ESR1: variants seen among roughly 807,000 people sequenced by gnomAD.
ESR1 encodes the protein estrogen receptor 1, also known as estrogen receptor.
ESR1 carries 12 observed loss-of-function variants against 52.7 expected under a neutral mutation model. The ratio of observed to expected loss-of-function variants is 0.23; its 90% confidence interval spans 0.15 to 0.37. The LOEUF is 0.37. Among genes scored for constraint, ESR1 ranks in the 10% least tolerant of loss-of-function variants. The pLI, the probability that ESR1 is intolerant of heterozygous loss-of-function variation, is 1.00. For synonymous variants in ESR1, 305 were observed against 316.8 expected (o/e 0.96, Z 0.39); for missense variants, 584 against 779.7 (o/e 0.75, Z 2.99).
intron 4 of ESR1, among the ~76,000 whole-genome samples, chr6:151,978,563 C>G (rs1173907579): frequency 6.6e-6 from 1 of 152,074 alleles, no homozygotes; most frequent in East Asian, 1.9e-4. Flanking sequence ...ACACCAAGAT[C>G]CATCTTCATG....
At chr6:151,831,864 G>A (rs1270967274) in intron 1 of ESR1, among the ~76,000 whole-genome samples, 4 of 152,212 alleles carry the variant, frequency 2.6e-5, no homozygotes, top group Non-Finnish European at 4.4e-5. Context: ...ACCAAGGGTC[G>A]TGCTGGGTTT....
intron 5 of ESR1, among the ~76,000 whole-genome samples, chr6:152,029,273 G>A (rs1197335811): frequency 6.6e-6 from 1 of 152,182 alleles, no homozygotes; most frequent in Non-Finnish European, 1.5e-5. Flanking sequence ...CACCAGCAAC[G>A]GAACAAAGCT....
At chr6:151,798,998 T>A (rs1776972537) in intron 2 of ESR1, among the ~76,000 whole-genome samples, 2 of 152,202 alleles carry the variant, frequency 1.3e-5, no homozygotes, top group Non-Finnish European at 2.9e-5. Context: ...TCTTTATCAG[T>A]GATTTGGGAA....
intron 4 of ESR1, among the ~76,000 whole-genome samples, chr6:151,992,720 G>A (rs1470579471): frequency 6.6e-6 from 1 of 152,064 alleles, no homozygotes; most frequent in African/African-American, 2.4e-5. Flanking sequence ...ATAAGCAGTG[G>A]TGGACCAGTG....
intron 4 of ESR1, among the ~76,000 whole-genome samples, chr6:151,996,372 G>A (rs1379854184): frequency 1.3e-5 from 2 of 152,094 alleles, no homozygotes; most frequent in East Asian, 1.9e-4. Flanking sequence ...GTTCCTGACT[G>A]TTAGTACCCG....
At position 151,944,324 on chromosome 6, in the gene ESR1, C is replaced by A. The variant is rs768041244; in HGVS notation, c.912C>A (p.Asn304Lys). 6.2e-7 allele frequency: 1 copy of A among 1,614,142 alleles called. No individual in the cohort carries two copies. The highest frequency in any genetic ancestry group is 1.1e-5 in the South Asian group (1 of 91,082). Residue 304 changes from asparagine (N) to lysine (K), a missense_variant, in exon 4 of 8, where the codon AAC (asparagine) becomes AAA (lysine). This residue lies in a region of ESR1 where 88 missense variants were observed against 88.3 expected (regional missense o/e 1.00). Coordinates refer to ENST00000206249, the MANE Select transcript of ESR1 (RefSeq NM_000125.4). Reference sequence around the variant, plus strand: ...TCATGATCAAACGCTCTAAGAAGAACAGCCTGGCCTTGTCCCTGACGGCCG... The same window carrying A: ...TCATGATCAAACGCTCTAAGAAGAAAAGCCTGGCCTTGTCCCTGACGGCCG... Reference protein sequence around the residue: ...SPLMIKRSKKNSLALSLTADQ... With the variant: ...SPLMIKRSKKKSLALSLTADQ...
intron 4 of ESR1, among the ~76,000 whole-genome samples, chr6:152,001,251 T>G (rs1034935898): frequency 2.0e-5 from 3 of 151,822 alleles, no homozygotes; most frequent in South Asian, 2.1e-4. Flanking sequence ...GCTGGGAGGT[T>G]CAAGATCAGA....
At chr6:151,723,104 C>A (rs1181571704) in intron 2 of ESR1, among the ~76,000 whole-genome samples, 1 of 152,136 alleles carries the variant, frequency 6.6e-6, no homozygotes, top group East Asian at 1.9e-4. Flanking sequence ...CTAAAATCTA[C>A]TTCTTTGAAA....
At chr6:152,012,696 T>G (rs2042876996) in intron 5 of ESR1, among the ~76,000 whole-genome samples, 1 of 152,188 alleles carries the variant, frequency 6.6e-6, no homozygotes, top group Admixed American at 6.5e-5. Flanking sequence ...ATGCCTCCTT[T>G]GGTCTGCTGC....
chr6:151,958,659 C>T (rs1001749319), intron 4 of ESR1, among the ~76,000 whole-genome samples: 1 of 152,118 alleles, frequency 6.6e-6, no homozygotes, highest in African/African-American at 2.4e-5. Context: ...GTACATGTTT[C>T]TAAAAATGTG....
intron 1 of ESR1, among the ~76,000 whole-genome samples, chr6:151,662,203 G>A (rs851998): frequency 0.27 from 40,440 of 152,164 alleles, 6,387 homozygotes; most frequent in East Asian, 0.47. Context: ...TTTCACAATC[G>A]ATATGGCCTT....
intron 6 of ESR1, among the ~76,000 whole-genome samples, chr6:152,063,493 C>T (rs2047712645): frequency 6.6e-6 from 1 of 152,170 alleles, no homozygotes; most frequent in Non-Finnish European, 1.5e-5. Flanking sequence ...CCTCATGTCT[C>T]CTATTGTTCC....
At chr6:151,915,123 A>T (rs746671729) in intron 3 of ESR1, among the ~76,000 whole-genome samples, 40 of 151,904 alleles carry the variant, frequency 2.6e-4, no homozygotes, top group African/African-American at 8.7e-4. Context: ...TGAACCAGGG[A>T]GTCGGAGGTT....
intron 5 of ESR1, among the ~76,000 whole-genome samples, chr6:152,040,833 G>C (rs1161234036): frequency 6.6e-6 from 1 of 152,180 alleles, no homozygotes; most frequent in Non-Finnish European, 1.5e-5. Context: ...CAGGCTGGGG[G>C]AGAGAAGGCA....
At chr6:151,688,808 T>C (rs1582895438), upstream of ESR1, among the ~76,000 whole-genome samples, 1 of 152,298 alleles carries the variant, frequency 6.6e-6, no homozygotes, top group Middle Eastern at 3.4e-3. Flanking sequence ...AGGATATATG[T>C]AAATACTATG....
intron 2 of ESR1, among the ~76,000 whole-genome samples, chr6:151,797,541 T>TAA (rs1225738329): frequency 3.3e-5 from 5 of 152,250 alleles, no homozygotes; most frequent in Non-Finnish European, 1.5e-5. Flanking sequence ...TCTCTCCTCA[T>TAA]TTTTCCTTTG....
At chr6:151,914,851 G>C (rs1486464238) in intron 3 of ESR1, among the ~76,000 whole-genome samples, 1 of 152,100 alleles carries the variant, frequency 6.6e-6, no homozygotes, top group Non-Finnish European at 1.5e-5. Context: ...TTGAGTTCAG[G>C]ACACGTACAC....
chr6:151,679,554 C>A (rs558737030), intron 1 of ESR1, among the ~76,000 whole-genome samples: 1 of 151,982 alleles, frequency 6.6e-6, no homozygotes, highest in Non-Finnish European at 1.5e-5. Flanking sequence ...TTCACCATGT[C>A]GGCCAGGCCA....
At chr6:151,699,140 C>T (rs912993465) in intron 1 of ESR1, among the ~76,000 whole-genome samples, 2 of 152,078 alleles carry the variant, frequency 1.3e-5, no homozygotes, top group African/African-American at 2.4e-5. Context: ...ACTTCTTTCT[C>T]GACATTTGGA....
Sources: allele counts gnomAD v4.1 joint callset (sites outside exome capture counted in the v4.1 genomes callset), GRCh38; gene constraint gnomAD v4.1.1; regional missense constraint gnomAD v4.1.1; transcripts MANE v1.5; gene names NCBI Gene and HGNC (gene_info 2026-07-23, HGNC 2026-07-21).